The following FAM81A variants were observed in gnomAD, a reference collection of about 807,000 sequenced individuals.
FAM81A encodes family with sequence similarity 81 member A, also known as protein FAM81A.
A neutral mutation model predicts 46.7 loss-of-function variants in FAM81A; 19 were observed. The observed-to-expected ratio is 0.41, with a 90% CI of 0.28 to 0.60. The LOEUF (loss-of-function observed/expected upper bound fraction) is 0.60, where lower values mean the gene tolerates loss of function less well. Ranked by LOEUF, FAM81A falls within the 20% of genes least tolerant of loss-of-function variation. FAM81A has a pLI of 0.34. For synonymous variants in FAM81A, 183 were observed against 152.9 expected (o/e 1.20, Z -1.45); for missense variants, 377 against 453.5 (o/e 0.83, Z 1.53).
At chr15:59,498,519 C>G (rs1446134607) in intron 4 of FAM81A, among the ~76,000 whole-genome samples, 1 of 152,190 alleles carries the variant, frequency 6.6e-6, no homozygotes, top group Non-Finnish European at 1.5e-5. Context: ...ATTTCATTTT[C>G]TTGCCTAATT....
intron 3 of FAM81A, among the ~76,000 whole-genome samples, chr15:59,474,512 GC>G (rs1380779482): frequency 1.3e-5 from 2 of 152,096 alleles, no homozygotes; most frequent in Non-Finnish European, 2.9e-5. Context: ...TTTTATAAGG[GC>G]CCCAGTCCAT....
chr15:59,434,957 C>G (rs1197755080), upstream of FAM81A, among the ~76,000 whole-genome samples: 2 of 152,118 alleles, frequency 1.3e-5, no homozygotes, highest in Non-Finnish European at 2.9e-5. Flanking sequence ...AGTGCAGAGA[C>G]AAAAGTAGAA....
chr15:59,498,639 G>A (rs1238986004), intron 4 of FAM81A, among the ~76,000 whole-genome samples: 1 of 151,992 alleles, frequency 6.6e-6, no homozygotes, highest in African/African-American at 2.4e-5. Context: ...TTATTTAGTA[G>A]GTGTTAGGTG....
intron 4 of FAM81A, among the ~76,000 whole-genome samples, chr15:59,495,202 C>T (rs1313841249): frequency 6.6e-6 from 1 of 152,152 alleles, no homozygotes; most frequent in African/African-American, 2.4e-5. Context: ...TTTTCCCCAG[C>T]CTCCCCAGTT....
At chr15:59,407,925 G>T in intron 2 of FAM81A, 1 of 185,418 alleles carries the variant, frequency 5.4e-6, no homozygotes, top group South Asian at 1.0e-4. Context: ...CGTTGCAGGA[G>T]GCACTTTCAG....
At chr15:59,476,847 C>T (rs1331175497) in intron 3 of FAM81A, among the ~76,000 whole-genome samples, 3 of 151,428 alleles carry the variant, frequency 2.0e-5, no homozygotes, top group African/African-American at 4.9e-5. Flanking sequence ...CTTGGCCGGG[C>T]GTGGTGGCTC....
chr15:59,421,551 C>A (rs2081171494), intron 2 of FAM81A, among the ~76,000 whole-genome samples: 2 of 152,176 alleles, frequency 1.3e-5, no homozygotes, highest in Admixed American at 1.3e-4. Context: ...AAATGTCAGT[C>A]TAAATCCTTA....
chr15:59,414,197 G>A (rs747819230), intron 2 of FAM81A, among the ~76,000 whole-genome samples: 5 of 152,040 alleles, frequency 3.3e-5, no homozygotes, highest in East Asian at 1.9e-4. Context: ...CAAGTGATCC[G>A]CCCGCCTTGG....
At chr15:59,422,396 A>T (rs1278537893) in intron 2 of FAM81A, among the ~76,000 whole-genome samples, 1 of 152,114 alleles carries the variant, frequency 6.6e-6, no homozygotes, top group African/African-American at 2.4e-5. Context: ...TCTAAAATAA[A>T]TTAAAAATAA....
At chr15:59,410,933 TAG>T (rs1381828662) in intron 2 of FAM81A, among the ~76,000 whole-genome samples, 3 of 152,128 alleles carry the variant, frequency 2.0e-5, no homozygotes, top group Non-Finnish European at 4.4e-5. Context: ...GTATTTTTAG[TAG>T]AGACGGGTTT....
chr15:59,466,551 T>C (rs574048993), intron 3 of FAM81A, among the ~76,000 whole-genome samples: 39 of 151,344 alleles, frequency 2.6e-4, no homozygotes, highest in Admixed American at 4.6e-4. Flanking sequence ...TTTGATGGGG[T>C]TGTTTGTTTT....
intron 3 of FAM81A, among the ~76,000 whole-genome samples, chr15:59,461,052 G>A (rs549216970): frequency 2.0e-5 from 3 of 152,186 alleles, no homozygotes; most frequent in South Asian, 4.2e-4. Flanking sequence ...CACAAAAAGT[G>A]TAAAATTAAA....
upstream of FAM81A, among the ~76,000 whole-genome samples, chr15:59,437,995 G>GGCGCGGGT (rs562582906): frequency 2.4e-3 from 368 of 151,756 alleles, 4 homozygotes; most frequent in East Asian, 0.011. Flanking sequence ...CGCCAGGCTG[G>GGCGCGGGT]GCGCGGGTGC....
intron 2 of FAM81A, among the ~76,000 whole-genome samples, chr15:59,423,418 A>G (rs1567039665): frequency 6.6e-6 from 1 of 152,190 alleles, no homozygotes; most frequent in African/African-American, 2.4e-5. Context: ...ATTATTATTA[A>G]CTTTTGATAG....
At chr15:59,504,732 G>T (rs564936527) in intron 4 of FAM81A, among the ~76,000 whole-genome samples, 10 of 152,098 alleles carry the variant, frequency 6.6e-5, no homozygotes, top group African/African-American at 2.4e-4. Context: ...ACTTATTCTT[G>T]GATGATAGGT....
At chr15:59,458,879 A>C (rs2081516105) in intron 2 of FAM81A, among the ~76,000 whole-genome samples, 1 of 152,242 alleles carries the variant, frequency 6.6e-6, no homozygotes, top group Non-Finnish European at 1.5e-5. Flanking sequence ...TGAGAGTGAA[A>C]TATAACTCCG....
chr15:59,480,325 A>G (rs921382844), intron 3 of FAM81A, among the ~76,000 whole-genome samples: 1 of 152,122 alleles, frequency 6.6e-6, no homozygotes, highest in South Asian at 2.1e-4. Context: ...AAGGAGGAAC[A>G]TGGAGAGCTG....
chr15:59,515,866 G>T (rs1172580002), intron 7 of FAM81A, among the ~76,000 whole-genome samples: 1 of 152,128 alleles, frequency 6.6e-6, no homozygotes, highest in African/African-American at 2.4e-5. Flanking sequence ...CATAATGGAA[G>T]TCTGGGTATA....
At chr15:59,494,479 AAGT>A (rs1441656635) in intron 4 of FAM81A, among the ~76,000 whole-genome samples, 1 of 152,186 alleles carries the variant, frequency 6.6e-6, no homozygotes, top group Admixed American at 6.5e-5. Context: ...TTCTAATACA[AAGT>A]AGAAAAATTA....
Sources: gnomAD v4.1 joint callset for allele counts (sites outside exome capture counted in the v4.1 genomes callset) on GRCh38, gnomAD v4.1.1 for gene constraint, MANE v1.5 for transcripts, NCBI Gene and HGNC (gene_info 2026-07-23, HGNC 2026-07-21) for gene names.